The following RGS6 variants were observed in gnomAD, a reference collection of about 807,000 sequenced individuals.
RGS6 encodes the protein regulator of G-protein signaling 6.
In RGS6, 30 loss-of-function variants were observed where a neutral mutation model predicts 78.5. The ratio of observed to expected loss-of-function variants is 0.38; its 90% CI spans 0.29 to 0.52. The LOEUF (loss-of-function observed/expected upper bound fraction) is 0.52, where lower values mean the gene tolerates loss of function less well. RGS6 is among the 20% of genes least tolerant of loss of function. The pLI, the probability that RGS6 is intolerant of heterozygous loss-of-function variation, is 0.85. For missense variants in RGS6, 495 were observed against 609.7 expected (o/e 0.81, Z 1.98); for synonymous variants, 206 against 206.0 (o/e 1.00, Z 0.00).
chr14:72,472,438 A>G (rs975426114), intron 8 of RGS6, among the ~76,000 whole-genome samples: 2 of 152,260 alleles, frequency 1.3e-5, no homozygotes, highest in African/African-American at 2.4e-5. Context: ...ATCTAAAGCA[A>G]ACTTTCAAAT....
intron 2 of RGS6, among the ~76,000 whole-genome samples, chr14:72,086,200 C>T (rs1409764532): frequency 6.6e-6 from 1 of 152,196 alleles, no homozygotes; most frequent in Non-Finnish European, 1.5e-5. Flanking sequence ...CCTCCCTTGC[C>T]CTACTGATAA....
chr14:72,431,221 A>G (rs1263743774), intron 3 of RGS6, among the ~76,000 whole-genome samples: 1 of 152,170 alleles, frequency 6.6e-6, no homozygotes, highest in Non-Finnish European at 1.5e-5. Context: ...ACTCTTCAAT[A>G]TGGACTGTAA....
At chr14:72,392,714 A>G (rs1566714824) in intron 3 of RGS6, among the ~76,000 whole-genome samples, 1 of 152,000 alleles carries the variant, frequency 6.6e-6, no homozygotes, top group Non-Finnish European at 1.5e-5. Flanking sequence ...GGGGAGGGGG[A>G]GCCTCTCCAA....
intron 2 of RGS6, among the ~76,000 whole-genome samples, chr14:72,344,027 A>G (rs907423525): frequency 6.6e-6 from 1 of 152,178 alleles, no homozygotes; most frequent in Non-Finnish European, 1.5e-5. Context: ...TGCTCCACTT[A>G]CATTGCAAAG....
intron 3 of RGS6, among the ~76,000 whole-genome samples, chr14:72,355,706 TGG>T (rs1344309919): frequency 6.6e-6 from 1 of 151,948 alleles, no homozygotes; most frequent in African/African-American, 2.4e-5. Context: ...CACAAAAGGA[TGG>T]GAAGTGTTGG....
the RGS6 span, among the ~76,000 whole-genome samples, chr14:72,607,082 C>G: frequency 6.6e-6 from 1 of 152,146 alleles, no homozygotes; most frequent in Non-Finnish European, 1.5e-5. Context: ...CTCCTCCATC[C>G]CTCTGACTCA....
At chr14:72,123,101 G>A (rs1436209316) in intron 2 of RGS6, among the ~76,000 whole-genome samples, 1 of 152,022 alleles carries the variant, frequency 6.6e-6, no homozygotes, top group Non-Finnish European at 1.5e-5. Context: ...CAGGTAGCTG[G>A]GATTATAGGT....
intron 14 of RGS6, chr14:72,517,032 T>C (rs2096955629): frequency 6.9e-6 from 1 of 145,708 alleles, no homozygotes; most frequent in South Asian, 2.1e-4. Flanking sequence ...CTTGCAGAAA[T>C]TGGGTTGCAT....
At chr14:72,189,480 G>A (rs2097294960) in intron 2 of RGS6, among the ~76,000 whole-genome samples, 1 of 152,202 alleles carries the variant, frequency 6.6e-6, no homozygotes, top group South Asian at 2.1e-4. Context: ...GTGGGAAATA[G>A]GACTGTGTCA....
chr14:72,174,940 C>T (rs962239041), intron 2 of RGS6, among the ~76,000 whole-genome samples: 1 of 152,160 alleles, frequency 6.6e-6, no homozygotes, highest in Admixed American at 6.5e-5. Context: ...AGTTGCTGCA[C>T]AGGAAGGAAA....
chr14:71,944,162 C>T (rs565140472), intron 1 of RGS6, among the ~76,000 whole-genome samples: 14 of 152,210 alleles, frequency 9.2e-5, no homozygotes, highest in Non-Finnish European at 1.5e-4. Flanking sequence ...GATAAAAATT[C>T]GTTGCCTAAA....
intron 2 of RGS6, among the ~76,000 whole-genome samples, chr14:72,290,837 T>C (rs1261298092): frequency 2.0e-5 from 3 of 152,022 alleles, no homozygotes; most frequent in Admixed American, 6.5e-5. Context: ...GTTGAATTGT[T>C]TGTAGCTGTC....
At chr14:72,268,195 CG>C (rs958943804) in intron 2 of RGS6, among the ~76,000 whole-genome samples, 1 of 152,152 alleles carries the variant, frequency 6.6e-6, no homozygotes, top group Non-Finnish European at 1.5e-5. Context: ...ACTGTGCTTC[CG>C]GGGGAGCTCA....
At position 72,037,970 on chromosome 14, in the gene RGS6, A is replaced by ATTATTTTATT. The variant is rs57374454; in HGVS notation, c.84+73103_84+73112dup. The stretch of plus-strand genomic sequence containing the variant: ...CAATACCATGCTGTCTTTATTTTTT[A>ATTATTTTATT]TTATTTTATTTTATTTTTGAGATTG... On this transcript the variant is annotated intron_variant, in intron 2 of 17. Transcript: ENST00000553525. Among the ~76,000 whole-genome samples the ATTATTTTATT allele has an allele frequency of 4.0e-3, 608 of 151,316 alleles. 7 individuals are homozygous for ATTATTTTATT. Among genetic ancestry groups the ATTATTTTATT allele is most frequent in the African/African-American group, 0.014 (586 of 41,134 alleles).
intron 8 of RGS6, among the ~76,000 whole-genome samples, chr14:72,471,468 A>T (rs1390475650): frequency 6.6e-6 from 1 of 152,166 alleles, no homozygotes; most frequent in South Asian, 2.1e-4. Flanking sequence ...GAATGGGACT[A>T]TGTTTCCTCT....
At chr14:72,532,153 A>AAT (rs1419913301) in intron 15 of RGS6, among the ~76,000 whole-genome samples, 1 of 152,218 alleles carries the variant, frequency 6.6e-6, no homozygotes, top group Non-Finnish European at 1.5e-5. Context: ...CCATTTTTCC[A>AAT]ATAGCATGTG....
intron 2 of RGS6, among the ~76,000 whole-genome samples, chr14:72,144,706 CT>C (rs2096584644): frequency 1.3e-5 from 2 of 151,592 alleles, no homozygotes; most frequent in Non-Finnish European, 2.9e-5. Context: ...CATTCCTGCT[CT>C]TCTACAGTTG....
chr14:71,880,614 C>G, the RGS6 span, among the ~76,000 whole-genome samples: 1 of 152,228 alleles, frequency 6.6e-6, no homozygotes, highest in East Asian at 1.9e-4. Context: ...GCCTTGGCTG[C>G]TTCCATGTGA....
chr14:72,434,776 C>T (rs1238193087), intron 3 of RGS6, among the ~76,000 whole-genome samples: 1 of 152,204 alleles, frequency 6.6e-6, no homozygotes, highest in Non-Finnish European at 1.5e-5. Context: ...TGTTTATTTA[C>T]TCACTCATTC....
Sources: allele counts gnomAD v4.1 joint callset (sites outside exome capture counted in the v4.1 genomes callset), GRCh38; gene constraint gnomAD v4.1.1; transcripts MANE v1.5; gene names NCBI Gene and HGNC (gene_info 2026-07-23, HGNC 2026-07-21).